PTPRH: variants seen among roughly 807,000 people sequenced by gnomAD.
PTPRH encodes protein tyrosine phosphatase receptor type H.
A neutral mutation model predicts 130.2 loss-of-function variants in PTPRH; 113 were observed. That is an observed-to-expected ratio of 0.87 (90% CI 0.75 to 1.01). The LOEUF (loss-of-function observed/expected upper bound fraction) is 1.01, where lower values mean the gene tolerates loss of function less well. Ranked by LOEUF, PTPRH falls within the 50% of genes least tolerant of loss-of-function variation. PTPRH has a pLI of 0.00. For synonymous variants in PTPRH, 556 were observed against 577.9 expected (o/e 0.96, Z 0.54); for missense variants, 1,430 against 1,425.0 (o/e 1.00, Z -0.06).
At chr19:55,205,040 T>C (rs1214413846) in intron 4 of PTPRH, among the ~76,000 whole-genome samples, 1 of 152,126 alleles carries the variant, frequency 6.6e-6, no homozygotes, top group Non-Finnish European at 1.5e-5. Context: ...CAGTATCTAA[T>C]TCCTTGAAAG....
In PTPRH at chr19:55,185,984, C is replaced by A. The variant is rs200851137; in HGVS notation, c.2779G>T (p.Val927Leu). The A allele has an allele frequency of 6.8e-6, 11 of 1,613,852 alleles. No individual in the cohort carries two copies. The African/African-American group carries it at 1.2e-4, about 18-fold the overall frequency. ...AGAGGCCAGTAATGCTCACACTTCACCTGGGGGAGGAGGAGGGGTCAGAGA... is the reference window on the plus strand; with the variant it reads ...AGAGGCCAGTAATGCTCACACTTCAACTGGGGGAGGAGGAGGGGTCAGAGA... Reference protein sequence around the residue: ...MLTNCMEAGRVKCEHYWPLDS... With the variant: ...MLTNCMEAGRLKCEHYWPLDS... Residue 927 changes from valine (V) to leucine (L), a missense_variant and splice_region_variant, in exon 17 of 20, where the codon GTG becomes TTG. Physicochemically the swap from Val to Leu is conservative, Grantham distance 32. Transcript: ENST00000376350.
In PTPRH at chr19:55,195,274, G is replaced by A. The variant is rs377024589; in HGVS notation, c.2257+1248C>T. Among the ~76,000 whole-genome samples the A allele has an allele frequency of 3.6e-4, 55 of 152,216 alleles. No homozygotes were observed. The South Asian group carries it at 6.6e-3, about 18-fold the overall frequency. ...CGGGAGGTGGAGGTTGCAGTGAGCCGAGATTGCACCACTGCACTCCAGCCT... is the reference window on the plus strand; with the variant it reads ...CGGGAGGTGGAGGTTGCAGTGAGCCAAGATTGCACCACTGCACTCCAGCCT... On this transcript the variant is annotated intron_variant, in intron 10 of 19. Transcript: ENST00000376350.
chr19:55,203,287 A>G (rs538306672), intron 5 of PTPRH, among the ~76,000 whole-genome samples: 2 of 143,912 alleles, frequency 1.4e-5, no homozygotes, highest in African/African-American at 5.2e-5. Flanking sequence ...AGATTGCGCC[A>G]CTGCACTCCA....
Position 55,186,231 on chromosome 19 carries a change from G to A in PTPRH, c.2772C>T (p.Ala924=), listed in dbSNP as rs200971482. The change falls in exon 16 of 20, where the codon GCC becomes GCT. Residue 924 remains alanine, a synonymous_variant. Transcript: ENST00000376350. The part of the protein sequence containing the change: ...TLVMLTNCME[A]GRVKCEHYWP... ...CAGGACTCAGATCTCTCACCCGGCC[G>A]GCCTCCATGCAGTTGGTCAGCATGA... 1.3e-5 allele frequency: 21 copies of A among 1,608,764 alleles called. No homozygotes were observed. The highest frequency in any genetic ancestry group is 1.7e-4 in the Middle Eastern group (1 of 6,028).
chr19:55,185,149 G>A lies in PTPRH; in HGVS notation c.3062+353C>T, dbSNP rs138434082. Among the ~76,000 whole-genome samples, 124 of 151,700 alleles carry A rather than the reference G, an allele frequency of 8.2e-4. 1 individual carries two copies. Among genetic ancestry groups the A allele is most frequent in the African/African-American group, 2.8e-3 (115 of 41,366 alleles). On this transcript the variant is annotated intron_variant, in intron 18 of 19. Transcript: ENST00000376350. ...AGCTGGGATTACAGGTGCCCGCCACGACACCCGGCTAATTTTTGTATGTTT... is the reference window on the plus strand; with the variant it reads ...AGCTGGGATTACAGGTGCCCGCCACAACACCCGGCTAATTTTTGTATGTTT...
chr19:55,186,377 G>A lies in PTPRH; in HGVS notation c.2644-18C>T, dbSNP rs745362309. 4 of 1,610,254 alleles carry A rather than the reference G, an allele frequency of 2.5e-6. No individual in the cohort carries two copies. The highest frequency in any genetic ancestry group is 2.2e-5 in the East Asian group (1 of 44,836). On this transcript the variant is annotated intron_variant, in intron 15 of 19. Transcript: ENST00000376350. ...CAGAGACCCTGGTTGAGGAAGGCAG[G>A]CGGGTCAGGGGGGCCTTTAGTTGAT... is the stretch of plus-strand genomic sequence containing the variant.
In PTPRH at chr19:55,209,391, C is replaced by T; in HGVS notation, c.43G>A (p.Val15Met). The T allele has an allele frequency of 6.4e-7, 1 of 1,561,874 alleles. No individual in the cohort carries two copies. Among genetic ancestry groups the T allele is most frequent in the East Asian group, 2.4e-5 (1 of 42,178 alleles). ...GGGCGGGGAGCACTTACCAGCAGCA[C>T]CAGGTTCCCCCAGACCCCGAGGCCC... ...GGGLGVWGNL[V>M]LLGLCSWTGA... Residue 15 changes from valine (V) to methionine (M), a missense_variant, in exon 1 of 20, where the codon GTG becomes ATG. By Grantham distance (21) the Val-to-Met change is conservative. Coordinates refer to ENST00000376350, the MANE Select transcript of PTPRH (RefSeq NM_002842.5). This position sits in a 1 kb window ranked among gnomAD's most constrained non-coding sequence, Gnocchi z 4.1.
At position 55,182,183 on chromosome 19, in the gene PTPRH, G is replaced by A. The variant is rs1356839811; in HGVS notation, c.3063-32C>T. 1.9e-6 allele frequency: 3 copies of A among 1,607,080 alleles called. No individual in the cohort carries two copies. The Admixed American group carries it at 5.0e-5, about 27-fold the overall frequency. On this transcript the variant is annotated intron_variant, in intron 18 of 19. Coordinates refer to ENST00000376350, the MANE Select transcript of PTPRH (RefSeq NM_002842.5). ...AGAACAAGGGAAGGGTCAGACCAAG[G>A]GGCAGGAGTGTGAGGGTCCGGGGTC...
Position 55,206,690 on chromosome 19 carries a change from T to G in PTPRH, c.351A>C (p.Thr117=). Residue 117 remains threonine (T), a splice_region_variant and synonymous_variant, in exon 3 of 20, where the codon ACA becomes ACC. Transcript: ENST00000376350. ...AATAAAGCAGTGGCTGCCTCTTACC[T>G]GTGGCAGTAGTGACAGTCCCCACAG... The part of the protein sequence containing the change: ...NSSVGTVTTA[T]APNPVRNLRV... 1.3e-6 allele frequency: 2 copies of G among 1,591,972 alleles called. No individual in the cohort carries two copies. The highest frequency in any genetic ancestry group is 4.5e-5 in the East Asian group (2 of 44,428).
chr19:55,187,840 G>A (rs755461772), intron 13 of PTPRH, among the ~76,000 whole-genome samples: 2 of 152,000 alleles, frequency 1.3e-5, no homozygotes, highest in Non-Finnish European at 2.9e-5. Flanking sequence ...CAGGTGTCAG[G>A]GGAGAAAGGA....
chr19:55,199,467 T>A (rs1180935305), intron 7 of PTPRH, among the ~76,000 whole-genome samples: 3 of 152,166 alleles, frequency 2.0e-5, no homozygotes, highest in African/African-American at 7.2e-5. Context: ...TAGCTGGGTG[T>A]GGTGGTGCGT....
Position 55,202,606 on chromosome 19 carries a change from CACACATATATATACACAT to C in PTPRH, c.887-302_887-285del, listed in dbSNP as rs916053948. ...GATTGATCCTATACACACACACACA[CACACATATATATACACAT>C]ACACATATATATACACACACATATA... is the stretch of plus-strand genomic sequence containing the variant. On this transcript the variant is annotated intron_variant, in intron 5 of 19. Coordinates refer to ENST00000376350, the MANE Select transcript of PTPRH (RefSeq NM_002842.5). Among the ~76,000 whole-genome samples, 33 of 138,594 alleles carry C rather than the reference CACACATATATATACACAT, an allele frequency of 2.4e-4. No homozygotes were observed. In the South Asian group the frequency reaches 6.5e-3, roughly 27 times the overall value. 90.9% of individuals were successfully genotyped at this position (138,594 alleles called of 152,430 possible). A position where few individuals can be genotyped will look rare whatever the true frequency, so the allele number is the denominator to read the frequency against.
intron 10 of PTPRH, chr19:55,194,214 A>G (rs191341685): frequency 5.7e-5 from 73 of 1,289,742 alleles, no homozygotes; most frequent in Non-Finnish European, 7.4e-5. Flanking sequence ...ATCTGTCATT[A>G]GATGTCTCGT....
rs369257189 is a variant in PTPRH, at chr19:55,195,299, T to C, written c.2257+1223A>G. 5.8e-4 allele frequency among the ~76,000 whole-genome samples: 88 copies of C among 152,032 alleles called. 2 individuals carry two copies. In the South Asian group the frequency reaches 0.016, roughly 28 times the overall value. ...GAGATTGCACCACTGCACTCCAGCC[T>C]GGGCGACAAGAGTGAAACTCCGCCT... is the stretch of plus-strand genomic sequence containing the variant. On this transcript the variant is annotated intron_variant, in intron 10 of 19. Transcript: ENST00000376350.
Position 55,191,484 on chromosome 19 carries a change from C to T in PTPRH, c.2384+17G>A, listed in dbSNP as rs764880133. The stretch of plus-strand genomic sequence containing the variant: ...GACCAGATTCTTTCCAATGCACCCC[C>T]CAGACCTTCTGCTCACCTAAAGACC... On this transcript the variant is annotated intron_variant, in intron 12 of 19. Transcript: ENST00000376350. The T allele has an allele frequency of 1.5e-5, 24 of 1,613,790 alleles. No homozygotes were observed. The highest frequency in any genetic ancestry group is 1.5e-5 in the Non-Finnish European group (18 of 1,179,894).
rs550823659 is a variant in PTPRH at position 55,197,431 on chromosome 19, C to T, written c.1691-15G>A. 10 of 1,607,228 alleles carry T rather than the reference C, an allele frequency of 6.2e-6. No individual in the cohort carries two copies. The African/African-American group carries it at 1.2e-4, about 19-fold the overall frequency. The stretch of plus-strand genomic sequence containing the variant: ...CTCATTGGGAGCTGAGAAGTGAGAA[C>T]AGAGGCCTAAGGGGGTATCCTCGAA... On this transcript the variant is annotated splice_polypyrimidine_tract_variant and intron_variant, in intron 8 of 19. Transcript: ENST00000376350.
intron 5 of PTPRH, 117 bp from the exon 6 acceptor site, chr19:55,202,439 C>G: frequency 6.9e-7 from 1 of 1,443,540 alleles, no homozygotes; most frequent in South Asian, 1.4e-5. Context: ...TCTGCACTGT[C>G]CAGTGTGGCA....
Position 55,207,155 on chromosome 19 carries a change from G to T in PTPRH, c.85+11C>A. ...TCGAGTGGGCAGTGAGTTCAGGCAG[G>T]GGTCACTCACCAGGCGCCCTGGCCC... On this transcript the variant is annotated intron_variant, in intron 2 of 19. Transcript: ENST00000376350. 6.2e-7 allele frequency: 1 copy of T among 1,613,176 alleles called. No individual in the cohort carries two copies. Among genetic ancestry groups the T allele is most frequent in the Non-Finnish European group, 8.5e-7 (1 of 1,179,702 alleles).
intron 12 of PTPRH, chr19:55,189,923 G>T (rs1327549695): frequency 5.6e-6 from 2 of 354,760 alleles, no homozygotes; most frequent in Non-Finnish European, 1.1e-5. Flanking sequence ...GAGCCCAGGA[G>T]GTCGAGGCTG....
Sources: allele counts gnomAD v4.1 joint callset (sites outside exome capture counted in the v4.1 genomes callset), GRCh38; gene constraint gnomAD v4.1.1; non-coding constraint Gnocchi (gnomAD v3.1); transcripts MANE v1.5; gene names NCBI Gene and HGNC (gene_info 2026-07-23, HGNC 2026-07-21).